Variants in PUS7L observed in about 807,000 individuals in gnomAD.
PUS7L encodes pseudouridine synthase 7 like.
A neutral mutation model predicts 51.1 loss-of-function variants in PUS7L; 49 were observed. That is an observed-to-expected ratio of 0.96 (90% CI 0.76 to 1.22). PUS7L has a LOEUF of 1.22. Among genes scored for constraint, PUS7L ranks in the 50% most tolerant of loss-of-function variants. PUS7L has a pLI of 0.00. For synonymous variants in PUS7L, 277 were observed against 276.2 expected (o/e 1.00, Z -0.03); for missense variants, 828 against 820.6 (o/e 1.01, Z -0.11).
chr12:43,730,647 T>G lies in PUS7L; in HGVS notation c.1835A>C (p.Gln612Pro), dbSNP rs1944530684. 1.2e-6 allele frequency: 2 copies of G among 1,613,622 alleles called. No homozygotes were observed. The highest frequency in any genetic ancestry group is 1.7e-6 in the Non-Finnish European group (2 of 1,179,666). ...NIQYPKNKVG[Q>P]WYHDILSRDG... ...TCTGCTAAGTATGTCATGGTACCAC[T>G]GCCCTACTTTGTTCTTCGGGTACTG... The change falls in exon 9 of 9, where the codon CAG (glutamine) becomes CCG (proline). Residue 612 changes from glutamine (Q) to proline (P), a missense_variant. Coordinates refer to ENST00000344862, the MANE Select transcript of PUS7L (RefSeq NM_031292.5).
At chr12:43,738,023 G>A (rs1184214641) in intron 6 of PUS7L, 2 of 268,070 alleles carry the variant, frequency 7.5e-6, no homozygotes, top group Non-Finnish European at 1.4e-5. Flanking sequence ...TGCCAGATTC[G>A]AATTTGGAAC....
chr12:43,731,669 T>G, intron 8 of PUS7L, 36 bp downstream of exon 8: 1 of 1,254,814 alleles, frequency 8.0e-7, no homozygotes, highest in South Asian at 1.3e-5. Flanking sequence ...TGTCTACACT[T>G]AGATCTAAGT....
intron 3 of PUS7L, among the ~76,000 whole-genome samples, chr12:43,747,647 T>C (rs954388021): frequency 2.0e-5 from 3 of 151,976 alleles, no homozygotes; most frequent in Non-Finnish European, 4.4e-5. Flanking sequence ...TGAGCCAAGA[T>C]TGCGTGTTGC....
At position 43,730,553 on chromosome 12, in the gene PUS7L, C is replaced by T; in HGVS notation, c.1929G>A (p.Gln643=). The T allele has an allele frequency of 6.2e-7, 1 of 1,613,880 alleles. No individual in the cohort carries two copies. The highest frequency in any genetic ancestry group is 8.5e-7 in the Non-Finnish European group (1 of 1,179,866). The change falls in exon 9 of 9, where the codon CAG becomes CAA. Residue 643 remains glutamine, a synonymous_variant. Coordinates refer to ENST00000344862, the MANE Select transcript of PUS7L (RefSeq NM_031292.5). ...AGAGATTACAGGGATGTTTCAAAAT[C>T]TGTCTATAGCAACCTGGTATATTCA... ...LKLNIPGCYR[Q]ILKHPCNLSY...
intron 3 of PUS7L, among the ~76,000 whole-genome samples, chr12:43,747,282 A>G (rs1938215667): frequency 6.6e-6 from 1 of 152,244 alleles, no homozygotes; most frequent in Admixed American, 6.5e-5. Flanking sequence ...GGAATGTTAA[A>G]CAAATTAGTC....
At chr12:43,734,826 C>T (rs1336487415) in intron 7 of PUS7L, among the ~76,000 whole-genome samples, 1 of 152,118 alleles carries the variant, frequency 6.6e-6, no homozygotes, top group Non-Finnish European at 1.5e-5. Flanking sequence ...TCCTTTTGTT[C>T]TCTAAAATTC....
chr12:43,742,159 G>C (rs1329493761), intron 5 of PUS7L, among the ~76,000 whole-genome samples: 1 of 152,106 alleles, frequency 6.6e-6, no homozygotes, highest in Non-Finnish European at 1.5e-5. Context: ...TTCTGGGATT[G>C]TAGGATCAAA....
intron 1 of PUS7L, among the ~76,000 whole-genome samples, chr12:43,757,406 C>T (rs988293665): frequency 2.6e-5 from 4 of 152,172 alleles, no homozygotes; most frequent in African/African-American, 7.2e-5. Flanking sequence ...CTCCTGACCT[C>T]GTGATCCACC....
chr12:43,746,726 C>T (rs1938189393), intron 3 of PUS7L, among the ~76,000 whole-genome samples: 1 of 152,178 alleles, frequency 6.6e-6, no homozygotes, highest in South Asian at 2.1e-4. Flanking sequence ...ACTTGTATGA[C>T]CCTATAAGGG....
rs745828721 is a variant in PUS7L at position 43,742,472 on chromosome 12, C to T, written c.1347G>A (p.Leu449=). Reference sequence around the variant, plus strand: ...AAATCCATACCATTTCATTCTTCAGCAAAGCTAGTCCAATTTGGTCTGTGT... The same window carrying T: ...AAATCCATACCATTTCATTCTTCAGTAAAGCTAGTCCAATTTGGTCTGTGT... The part of the protein sequence containing the change: ...KVHTDQIGLA[L]LKNEMMKAIK... Residue 449 remains leucine (L), a synonymous_variant, in exon 5 of 9, where the codon TTG becomes TTA. Coordinates refer to ENST00000344862, the MANE Select transcript of PUS7L (RefSeq NM_031292.5). 1 of 1,608,534 alleles carries T rather than the reference C, an allele frequency of 6.2e-7. No homozygotes were observed. The highest frequency in any genetic ancestry group is 1.3e-5 in the African/African-American group (1 of 74,692).
chr12:43,735,353 T>C (rs146203082), intron 7 of PUS7L, among the ~76,000 whole-genome samples: 3,226 of 150,146 alleles, frequency 0.021, 53 homozygotes, highest in Non-Finnish European at 0.031. Context: ...AATAAATAAA[T>C]AAATAAAAAT....
chr12:43,734,009 C>A (rs1944622470), intron 7 of PUS7L, among the ~76,000 whole-genome samples: 1 of 152,154 alleles, frequency 6.6e-6, no homozygotes, highest in African/African-American at 2.4e-5. Flanking sequence ...CTTATGCAAT[C>A]TTTACTCCCT....
rs1938710551 is a variant in PUS7L at position 43,756,588 on chromosome 12, C to G, written c.-16-1327G>C. On this transcript the variant is annotated intron_variant, in intron 1 of 8. Transcript: ENST00000344862. The stretch of plus-strand genomic sequence containing the variant: ...TATCCAACATGATTTTTATGATCAT[C>G]TATATGGATCATCCATTCAATGTCT... Among the ~76,000 whole-genome samples, 3 of 152,184 alleles carry G rather than the reference C, an allele frequency of 2.0e-5. No individual in the cohort carries two copies. In the South Asian group the frequency reaches 6.2e-4, roughly 32 times the overall value.
At position 43,746,105 on chromosome 12, in the gene PUS7L, G is replaced by GT. The variant is rs1361634403; in HGVS notation, c.1203dup (p.Gln402ThrfsTer4). 5 of 1,530,088 alleles carry GT rather than the reference G, an allele frequency of 3.3e-6. No homozygotes were observed. The highest frequency in any genetic ancestry group is 2.3e-5 in the South Asian group (2 of 86,740). 94.8% of individuals were successfully genotyped at this position (1,530,088 alleles called of 1,614,324 possible). On this transcript the variant is annotated frameshift_variant, in exon 4 of 9. Transcript: ENST00000344862. LOFTEE classifies it high-confidence loss of function. The stretch of plus-strand genomic sequence containing the variant: ...CTCAGGTTTGCAGAATCATTTATTT[G>GT]TTTTTTTAAATTTCTAATGACAATA...
intron 4 of PUS7L, 199 bp from the exon 5 acceptor site, chr12:43,742,754 A>G (rs1382374241): frequency 2.3e-5 from 13 of 568,596 alleles, no homozygotes; most frequent in Non-Finnish European, 2.9e-5. Context: ...AAGTTAGAAC[A>G]TAAAACCAAT....
chr12:43,733,816 A>G lies in PUS7L; in HGVS notation c.1726-2058T>C, dbSNP rs143330307. ...GGTAAAATAAAACTTAAATGCTACTAGATTTCTTTTCACACAGTTTGAGTC... is the reference window on the plus strand; with the variant it reads ...GGTAAAATAAAACTTAAATGCTACTGGATTTCTTTTCACACAGTTTGAGTC... On this transcript the variant is annotated intron_variant, in intron 7 of 8. Transcript: ENST00000344862. 2.4e-3 allele frequency among the ~76,000 whole-genome samples: 359 copies of G among 152,260 alleles called. 2 individuals carry two copies. Among genetic ancestry groups the G allele is most frequent in the African/African-American group, 8.1e-3 (337 of 41,522 alleles).
intron 7 of PUS7L, among the ~76,000 whole-genome samples, chr12:43,734,313 C>CA (rs572653704): frequency 6.6e-6 from 1 of 152,132 alleles, no homozygotes; most frequent in South Asian, 2.1e-4. Context: ...ATCTTGCCAC[C>CA]AAAGGTGTAA....
At chr12:43,756,941 C>A (rs1188361537) in intron 1 of PUS7L, among the ~76,000 whole-genome samples, 5 of 152,160 alleles carry the variant, frequency 3.3e-5, no homozygotes, top group African/African-American at 9.7e-5. Flanking sequence ...AAATTACTCA[C>A]CCTGGCTTCC....
At chr12:43,751,471 G>C (rs1938442000) in intron 2 of PUS7L, among the ~76,000 whole-genome samples, 1 of 151,550 alleles carries the variant, frequency 6.6e-6, no homozygotes, top group Non-Finnish European at 1.5e-5. Flanking sequence ...CCTTGCGATA[G>C]TTTGCTGAGA....
Sources: gnomAD v4.1 joint callset for allele counts (sites outside exome capture counted in the v4.1 genomes callset) on GRCh38, gnomAD v4.1.1 for gene constraint, MANE v1.5 for transcripts, NCBI Gene and HGNC (gene_info 2026-07-23, HGNC 2026-07-21) for gene names.